Variants in POFUT2 observed in about 807,000 individuals in gnomAD.
POFUT2 encodes GDP-fucose protein O-fucosyltransferase 2.
In POFUT2, 30 loss-of-function variants were observed where a neutral mutation model predicts 55.0. The observed-to-expected ratio is 0.55, with a 90% CI of 0.41 to 0.74. The LOEUF is 0.74. Ranked by LOEUF, POFUT2 falls within the 30% of genes least tolerant of loss-of-function variation. The pLI is 0.00. For synonymous variants in POFUT2, 267 were observed against 231.1 expected (o/e 1.16, Z -1.41); for missense variants, 524 against 562.6 (o/e 0.93, Z 0.69).
At position 45,277,380 on chromosome 21, in the gene POFUT2, C is replaced by T. The variant is rs142174012; in HGVS notation, c.706-238G>A. On this transcript the variant is annotated intron_variant, in intron 5 of 8. Coordinates refer to ENST00000349485, the MANE Select transcript of POFUT2 (RefSeq NM_133635.6). This position sits in a 1 kb window ranked among gnomAD's most constrained non-coding sequence, Gnocchi z 6.9. ...CCCTGCCGGCTCTGCCAGCCCCTGCCGTGGGAAGCTGCGGCACACACTGGG... is the reference window on the plus strand; with the variant it reads ...CCCTGCCGGCTCTGCCAGCCCCTGCTGTGGGAAGCTGCGGCACACACTGGG... 407 of 524,104 alleles carry T rather than the reference C, an allele frequency of 7.8e-4. No homozygotes were observed. Among genetic ancestry groups the T allele is most frequent in the Middle Eastern group, 6.6e-3 (12 of 1,830 alleles). The allele number at this position is 524,104 out of a possible 1,614,324, so 32.5% of individuals were successfully genotyped here.
rs376287969 is a variant in POFUT2 at position 45,269,954 on chromosome 21, G to A, written c.897C>T (p.Ile299=). 4 of 1,596,512 alleles carry A rather than the reference G, an allele frequency of 2.5e-6. No individual in the cohort carries two copies. In the Admixed American group the frequency reaches 5.4e-5, roughly 22 times the overall value. ...LGVHLRRKDF[I]WGHRQDVPSL... ...TGGGTACATCCTGTCTGTGACCCCAGATGAAATCTTTTCTTCTCAGGTGGA... is the reference window on the plus strand; with the variant it reads ...TGGGTACATCCTGTCTGTGACCCCAAATGAAATCTTTTCTTCTCAGGTGGA... The change falls in exon 7 of 9, where the codon ATC becomes ATT. Residue 299 remains isoleucine (I), a synonymous_variant. Transcript: ENST00000349485.
intron 1 of POFUT2, 148 bp from the exon 2 acceptor site, chr21:45,286,076 C>T (rs2031375667): frequency 1.5e-6 from 1 of 664,096 alleles, no homozygotes; most frequent in African/African-American, 1.8e-5. Flanking sequence ...GCCTGTTTCT[C>T]TATGACCAGT....
In POFUT2 at chr21:45,277,069, G is replaced by A; in HGVS notation, c.779C>T (p.Ser260Phe). The A allele has an allele frequency of 6.2e-7, 1 of 1,614,108 alleles. No individual in the cohort carries two copies. Among genetic ancestry groups the A allele is most frequent in the Non-Finnish European group, 8.5e-7 (1 of 1,179,962 alleles). ...GGGGATCCTGTCTGCGTCGTCCGTG[G>A]AGTTGAGATGTCTGCTCCTGAACTC... ...GDEFRSRHLN[S>F]TDDADRIPFQ... Residue 260 changes from serine to phenylalanine, a missense_variant, in exon 6 of 9, where the codon TCC becomes TTC. By Grantham distance (155) the Ser-to-Phe change is radical. Around this residue, in one of 2 missense-constraint regions of POFUT2, gnomAD observed 250 missense variants for 318.2 expected, o/e 0.79. Coordinates refer to ENST00000349485, the MANE Select transcript of POFUT2 (RefSeq NM_133635.6). The surrounding 1 kb of genome is among the most constrained non-coding windows in gnomAD (Gnocchi z 6.9).
At position 45,281,527 on chromosome 21, in the gene POFUT2, C is replaced by T. The variant is rs995811781; in HGVS notation, c.638+822G>A. Among the ~76,000 whole-genome samples the T allele has an allele frequency of 2.6e-5, 4 of 152,096 alleles. No homozygotes were observed. Among genetic ancestry groups the T allele is most frequent in the East Asian group, 1.9e-4 (1 of 5,168 alleles). ...CAGCTGAGACCATGTGGTCCCGGCC[C>T]GCTGGGGCCAGCGGCAGCTGTTACT... On this transcript the variant is annotated intron_variant, in intron 4 of 8. Transcript: ENST00000349485. The surrounding 1 kb of genome is among the most constrained non-coding windows in gnomAD (Gnocchi z 5.0).
Position 45,270,733 on chromosome 21 carries a change from C to T in POFUT2, c.832-714G>A, listed in dbSNP as rs972665400. 1.3e-5 allele frequency among the ~76,000 whole-genome samples: 2 copies of T among 152,254 alleles called. No homozygotes were observed. The highest frequency in any genetic ancestry group is 2.9e-5 in the Non-Finnish European group (2 of 68,052). ...ACGGATCACAGCACAGGACTCTCCG[C>T]AGACATTCCCCAGCAGCATCCCAGG... is the stretch of plus-strand genomic sequence containing the variant. On this transcript the variant is annotated intron_variant, in intron 6 of 8. Coordinates refer to ENST00000349485, the MANE Select transcript of POFUT2 (RefSeq NM_133635.6). The surrounding 1 kb of genome is among the most constrained non-coding windows in gnomAD (Gnocchi z 4.6).
intron 4 of POFUT2, among the ~76,000 whole-genome samples, chr21:45,279,487 A>G (rs1193111873): frequency 6.6e-6 from 1 of 152,248 alleles, no homozygotes; most frequent in Non-Finnish European, 1.5e-5. Flanking sequence ...ATAGAATAAC[A>G]TTTCAAAAGG....
intron 4 of POFUT2, among the ~76,000 whole-genome samples, chr21:45,278,978 A>G (rs764563420): frequency 8.5e-5 from 13 of 152,168 alleles, no homozygotes; most frequent in Non-Finnish European, 1.5e-4. Context: ...AACTCCCCCC[A>G]GGGCTCTTGA....
rs373919617 is a variant in POFUT2, at chr21:45,267,478, A to G, written c.1136+112T>C. On this transcript the variant is annotated intron_variant, in intron 8 of 8. Coordinates refer to ENST00000349485, the MANE Select transcript of POFUT2 (RefSeq NM_133635.6). The surrounding 1 kb of genome is among the most constrained non-coding windows in gnomAD (Gnocchi z 4.4). ...AGACGAGGAGGCAAACAGTATGGAA[A>G]TGACCACTGTGAACACAGGCGACCA... 39 of 1,614,058 alleles carry G rather than the reference A, an allele frequency of 2.4e-5. No homozygotes were observed. Among genetic ancestry groups the G allele is most frequent in the Non-Finnish European group, 3.2e-5 (38 of 1,180,046 alleles).
intron 4 of POFUT2, among the ~76,000 whole-genome samples, chr21:45,279,379 A>C (rs2030291057): frequency 6.6e-6 from 1 of 152,230 alleles, no homozygotes; most frequent in Non-Finnish European, 1.5e-5. Flanking sequence ...TGGGCAACAG[A>C]GCAAGACTCA....
chr21:45,268,727 T>C (rs2093183245), intron 7 of POFUT2, among the ~76,000 whole-genome samples: 3 of 140,976 alleles, frequency 2.1e-5, no homozygotes, highest in Admixed American at 7.0e-5. Flanking sequence ...GTCTGAGAAG[T>C]GAGGAGCCTC....
chr21:45,278,257 G>C (rs564161356), intron 4 of POFUT2, 88 bp from the exon 5 acceptor site: 2 of 1,171,838 alleles, frequency 1.7e-6, no homozygotes, highest in Admixed American at 3.4e-5. Flanking sequence ...GGAGAACCCC[G>C]GGCCGAGGAA....
At chr21:45,278,665 C>T (rs762586170) in intron 4 of POFUT2, among the ~76,000 whole-genome samples, 1 of 152,218 alleles carries the variant, frequency 6.6e-6, no homozygotes, top group African/African-American at 2.4e-5. Flanking sequence ...CACAGCGTCT[C>T]GTCCGAATTA....
At chr21:45,283,312 G>A in intron 3 of POFUT2, 71 bp downstream of exon 3, 1 of 787,246 alleles carries the variant, frequency 1.3e-6, no homozygotes, top group Non-Finnish European at 1.8e-6. Flanking sequence ...CTGAGGCGGG[G>A]GGGGGGGGAC....
At chr21:45,279,021 C>T (rs540971335) in intron 4 of POFUT2, among the ~76,000 whole-genome samples, 3 of 152,086 alleles carry the variant, frequency 2.0e-5, no homozygotes, top group Non-Finnish European at 4.4e-5. Context: ...CAAAATGGAC[C>T]GTGAGCAAAT....
chr21:45,278,591 A>C (rs1397850833), intron 4 of POFUT2, among the ~76,000 whole-genome samples: 2 of 152,188 alleles, frequency 1.3e-5, no homozygotes, highest in Non-Finnish European at 2.9e-5. Context: ...CACTGACTCG[A>C]GCTCAAAGCC....
chr21:45,265,248 A>C lies in POFUT2; in HGVS notation c.*234T>G, dbSNP rs2093142650. On this transcript the variant is annotated 3_prime_UTR_variant, in exon 9 of 9. Coordinates refer to ENST00000349485, the MANE Select transcript of POFUT2 (RefSeq NM_133635.6). This position sits in a 1 kb window ranked among gnomAD's most constrained non-coding sequence, Gnocchi z 4.6. ...GCTGTGGGTTCACAGACGCTGCCTGAAAACAACCGCCACCCCCGAGAGCAG... is the reference window on the plus strand; with the variant it reads ...GCTGTGGGTTCACAGACGCTGCCTGCAAACAACCGCCACCCCCGAGAGCAG... 2 of 399,322 alleles carry C rather than the reference A, an allele frequency of 5.0e-6. No individual in the cohort carries two copies. The highest frequency in any genetic ancestry group is 8.9e-6 in the Non-Finnish European group (2 of 224,310). 24.7% of individuals were successfully genotyped at this position (399,322 alleles called of 1,614,324 possible).
chr21:45,282,910 G>A lies in POFUT2; in HGVS notation c.528-451C>T, dbSNP rs759734845. On this transcript the variant is annotated intron_variant, in intron 3 of 8. Coordinates refer to ENST00000349485, the MANE Select transcript of POFUT2 (RefSeq NM_133635.6). This position sits in a 1 kb window ranked among gnomAD's most constrained non-coding sequence, Gnocchi z 4.6. ...AGTGTCAGAGCCTTTAATGGCAATC[G>A]ACACTTGGGACTGACAAGACCTCCA... 1.9e-5 allele frequency: 9 copies of A among 473,994 alleles called. No individual in the cohort carries two copies. The highest frequency in any genetic ancestry group is 7.0e-5 in the Admixed American group (3 of 42,640). The allele number at this position is 473,994 out of a possible 1,614,324, so 29.4% of individuals were successfully genotyped here.
At chr21:45,287,531 C>T (rs1480128892) in intron 1 of POFUT2, among the ~76,000 whole-genome samples, 1 of 110,158 alleles carries the variant, frequency 9.1e-6, no homozygotes, top group Non-Finnish European at 1.9e-5. Context: ...GACCCCTGCC[C>T]CCTGACCCCG....
Position 45,284,300 on chromosome 21 carries a change from G to C in POFUT2, c.383-773C>G, listed in dbSNP as rs1377723972. Reference sequence around the variant, plus strand: ...TCTGGTATCCTTTTTGCTCACTCATGACTGGGGGCTAAGGGCTGCGTGGCC... The same window carrying C: ...TCTGGTATCCTTTTTGCTCACTCATCACTGGGGGCTAAGGGCTGCGTGGCC... On this transcript the variant is annotated intron_variant, in intron 2 of 8. Coordinates refer to ENST00000349485, the MANE Select transcript of POFUT2 (RefSeq NM_133635.6). The surrounding 1 kb of genome is among the most constrained non-coding windows in gnomAD (Gnocchi z 5.8). Among the ~76,000 whole-genome samples the C allele has an allele frequency of 1.3e-5, 2 of 152,218 alleles. No homozygotes were observed. The highest frequency in any genetic ancestry group is 2.9e-5 in the Non-Finnish European group (2 of 68,040).
Sources: gnomAD v4.1 joint callset for allele counts (sites outside exome capture counted in the v4.1 genomes callset) on GRCh38, gnomAD v4.1.1 for gene constraint, gnomAD v4.1.1 regional missense constraint, Gnocchi (gnomAD v3.1) non-coding constraint, MANE v1.5 for transcripts, NCBI Gene and HGNC (gene_info 2026-07-23, HGNC 2026-07-21) for gene names.